Variants in XXYLT1 observed in about 807,000 individuals in gnomAD.
XXYLT1 encodes the protein xyloside xylosyltransferase 1.
In XXYLT1, 20 loss-of-function variants were observed where a neutral mutation model predicts 28.9. The observed-to-expected ratio is 0.69, with a 90% confidence interval of 0.49 to 1.00. XXYLT1 has a LOEUF of 1.00. Among genes scored for constraint, XXYLT1 ranks in the 50% least tolerant of loss-of-function variants. XXYLT1 has a pLI of 0.00. For synonymous variants in XXYLT1, 257 were observed against 253.8 expected (o/e 1.01, Z -0.12); for missense variants, 542 against 560.1 (o/e 0.97, Z 0.33).
chr3:195,101,273 A>G lies in XXYLT1; in HGVS notation c.786-31162T>C, dbSNP rs117193380. On this transcript the variant is annotated intron_variant, in intron 3 of 3. Coordinates refer to ENST00000310380, the MANE Select transcript of XXYLT1 (RefSeq NM_152531.5). ...TTGATTGGGAGCAATTAAGGAGAAC[A>G]TGTACTAGTTAATTAAACACTGTAC... 9.2e-4 allele frequency among the ~76,000 whole-genome samples: 140 copies of G among 152,394 alleles called. No individual in the cohort carries two copies. The East Asian group carries it at 0.021, about 23-fold the overall frequency.
In XXYLT1 at chr3:195,158,529, C is replaced by T. The variant is rs191539878; in HGVS notation, c.653-1948G>A. On this transcript the variant is annotated intron_variant, in intron 2 of 3. Transcript: ENST00000310380. ...TAAGACACCAGAATCTGAGCTGCTT[C>T]GATGTTATTTACAACTCCTCCTTCC... 8.5e-5 allele frequency among the ~76,000 whole-genome samples: 13 copies of T among 152,342 alleles called. No homozygotes were observed. The East Asian group carries it at 2.5e-3, about 29-fold the overall frequency.
chr3:195,257,482 C>A lies in XXYLT1; in HGVS notation c.504+13073G>T, dbSNP rs1012228543. Among the ~76,000 whole-genome samples the A allele has an allele frequency of 1.3e-5, 2 of 152,176 alleles. No homozygotes were observed. The highest frequency in any genetic ancestry group is 4.1e-4 in the South Asian group (2 of 4,832). On this transcript the variant is annotated intron_variant, in intron 1 of 3. Transcript: ENST00000310380. The surrounding 1 kb of genome is among the most constrained non-coding windows in gnomAD (Gnocchi z 4.3). Reference sequence around the variant, plus strand: ...GCTTCATCATGAAAGGCGAGTTAATCAGATGAAGATGGGAGGAATGGGTGA... The same window carrying A: ...GCTTCATCATGAAAGGCGAGTTAATAAGATGAAGATGGGAGGAATGGGTGA...
intron 1 of XXYLT1, among the ~76,000 whole-genome samples, chr3:195,264,431 C>T (rs1329037273): frequency 6.6e-6 from 1 of 152,246 alleles, no homozygotes; most frequent in South Asian, 2.1e-4. Context: ...CCCTCACTTC[C>T]TTCAGGCTCT....
chr3:195,237,856 G>A (rs1310485549), intron 1 of XXYLT1, among the ~76,000 whole-genome samples: 1 of 152,014 alleles, frequency 6.6e-6, no homozygotes, highest in African/African-American at 2.4e-5. Context: ...ACAGAATCCA[G>A]ACCAGTTCCT....
chr3:195,249,896 T>C (rs1249159821), intron 1 of XXYLT1, among the ~76,000 whole-genome samples: 2 of 152,152 alleles, frequency 1.3e-5, no homozygotes, highest in East Asian at 3.9e-4. Context: ...CCAGAATCCC[T>C]CCACCACCCA....
intron 2 of XXYLT1, among the ~76,000 whole-genome samples, chr3:195,206,406 A>G (rs976385444): frequency 6.6e-6 from 1 of 150,914 alleles, no homozygotes; most frequent in African/African-American, 2.4e-5. Context: ...CATGGATACT[A>G]GATGGCAATA....
At chr3:195,090,172 C>T (rs1244202413) in intron 3 of XXYLT1, among the ~76,000 whole-genome samples, 3 of 151,348 alleles carry the variant, frequency 2.0e-5, no homozygotes, top group African/African-American at 4.9e-5. Context: ...CTGCACCAAG[C>T]GGACCTAATA....
intron 2 of XXYLT1, among the ~76,000 whole-genome samples, chr3:195,191,084 A>T (rs1722399405): frequency 2.0e-5 from 3 of 152,230 alleles, no homozygotes; most frequent in Admixed American, 1.3e-4. Flanking sequence ...CAACACTCTT[A>T]AAGAAAGGCA....
intron 2 of XXYLT1, among the ~76,000 whole-genome samples, chr3:195,171,553 A>C (rs894068476): frequency 2.0e-5 from 3 of 152,244 alleles, no homozygotes; most frequent in Admixed American, 6.5e-5. Context: ...TTATCCAGGC[A>C]GGTGGTATCT....
At chr3:195,141,792 C>T (rs972489544) in intron 3 of XXYLT1, among the ~76,000 whole-genome samples, 2 of 152,228 alleles carry the variant, frequency 1.3e-5, no homozygotes, top group Non-Finnish European at 2.9e-5. Flanking sequence ...AGGTACCCCT[C>T]ACACTTTAGT....
chr3:195,242,257 T>C (rs1724809211), intron 1 of XXYLT1, among the ~76,000 whole-genome samples: 1 of 152,144 alleles, frequency 6.6e-6, no homozygotes, highest in Non-Finnish European at 1.5e-5. Flanking sequence ...ATCCCAGCCC[T>C]CACCCAAAGA....
In XXYLT1 at chr3:195,180,448, C is replaced by T; in HGVS notation, c.653-23867G>A. ...CTGTTTCCTGCTGCTTTTCTCATTTCATGAACTTCTTTTGAACAATTTCCT... is the reference window on the plus strand; with the variant it reads ...CTGTTTCCTGCTGCTTTTCTCATTTTATGAACTTCTTTTGAACAATTTCCT... On this transcript the variant is annotated intron_variant, in intron 2 of 3. Transcript: ENST00000310380. The surrounding 1 kb of genome is among the most constrained non-coding windows in gnomAD (Gnocchi z 5.8). 1.0e-6 allele frequency: 1 copy of T among 985,690 alleles called. No homozygotes were observed. Among genetic ancestry groups the T allele is most frequent in the Non-Finnish European group, 1.2e-6 (1 of 830,100 alleles). 61.1% of individuals were successfully genotyped at this position (985,690 alleles called of 1,614,324 possible).
intron 3 of XXYLT1, among the ~76,000 whole-genome samples, chr3:195,090,401 A>G (rs2108660331): frequency 6.6e-6 from 1 of 151,224 alleles, no homozygotes; most frequent in Non-Finnish European, 1.5e-5. Flanking sequence ...CTACACGGAA[A>G]CTGAACAACC....
intron 2 of XXYLT1, chr3:195,175,602 C>T (rs777177386): frequency 2.1e-5 from 33 of 1,535,920 alleles, no homozygotes; most frequent in South Asian, 9.5e-5. Flanking sequence ...CAGATGGACA[C>T]GGTAGTAACA....
At chr3:195,249,524 C>A (rs1174643554) in intron 1 of XXYLT1, among the ~76,000 whole-genome samples, 1 of 152,214 alleles carries the variant, frequency 6.6e-6, no homozygotes, top group Non-Finnish European at 1.5e-5. Context: ...CTCATCTCAT[C>A]CTCACCATAA....
chr3:195,069,496 C>T lies in XXYLT1; in HGVS notation c.*219G>A, dbSNP rs1272285810. On this transcript the variant is annotated 3_prime_UTR_variant, in exon 4 of 4. Coordinates refer to ENST00000310380, the MANE Select transcript of XXYLT1 (RefSeq NM_152531.5). Reference sequence around the variant, plus strand: ...TGCGTGTCCTTTGTGTCGCCTGCTCCCTGGAGGAATAAGGTCCCAAGCACC... The same window carrying T: ...TGCGTGTCCTTTGTGTCGCCTGCTCTCTGGAGGAATAAGGTCCCAAGCACC... The T allele has an allele frequency of 1.7e-6, 1 of 604,628 alleles. No homozygotes were observed. The highest frequency in any genetic ancestry group is 2.9e-5 in the East Asian group (1 of 34,988). 37.5% of individuals were successfully genotyped at this position (604,628 alleles called of 1,614,324 possible).
chr3:195,142,690 C>T (rs1349976408), intron 3 of XXYLT1, among the ~76,000 whole-genome samples: 1 of 152,242 alleles, frequency 6.6e-6, no homozygotes, highest in Non-Finnish European at 1.5e-5. Flanking sequence ...TCAATGGCAC[C>T]GCCGAGCAGG....
At chr3:195,186,656 T>C (rs1251279687) in intron 2 of XXYLT1, among the ~76,000 whole-genome samples, 4 of 151,892 alleles carry the variant, frequency 2.6e-5, no homozygotes, top group Non-Finnish European at 4.4e-5. Flanking sequence ...GGGCAGCACC[T>C]GGACTTCCCC....
At chr3:195,127,458 T>G (rs1191477580) in intron 3 of XXYLT1, among the ~76,000 whole-genome samples, 1 of 152,140 alleles carries the variant, frequency 6.6e-6, no homozygotes, top group Non-Finnish European at 1.5e-5. Context: ...TGGCATGTAA[T>G]AAAGAAAATA....
Sources: gnomAD v4.1 joint callset for allele counts (sites outside exome capture counted in the v4.1 genomes callset) on GRCh38, gnomAD v4.1.1 for gene constraint, Gnocchi (gnomAD v3.1) non-coding constraint, MANE v1.5 for transcripts, NCBI Gene and HGNC (gene_info 2026-07-23, HGNC 2026-07-21) for gene names.